Variants in DOCK3 observed in about 807,000 individuals in gnomAD.
The protein encoded by DOCK3 is dedicator of cytokinesis 3.
A neutral mutation model predicts 265.6 loss-of-function variants in DOCK3; 60 were observed. The observed-to-expected ratio is 0.23, with a 90% CI of 0.18 to 0.28. The LOEUF is 0.28. DOCK3 is among the 10% of genes least tolerant of loss of function. The pLI, the probability that DOCK3 is intolerant of heterozygous loss-of-function variation, is 1.00. For synonymous variants in DOCK3, 881 were observed against 938.0 expected (o/e 0.94, Z 1.11); for missense variants, 1,981 against 2,594.3 (o/e 0.76, Z 5.14).
chr3:51,283,668 G>T (rs1029575590), intron 27 of DOCK3, among the ~76,000 whole-genome samples: 16 of 152,104 alleles, frequency 1.1e-4, no homozygotes, highest in African/African-American at 3.6e-4. Context: ...TCCTCCCCCA[G>T]CTCACCCTAG....
At chr3:51,069,239 GTCA>G (rs1233257446) in intron 6 of DOCK3, among the ~76,000 whole-genome samples, 2 of 152,128 alleles carry the variant, frequency 1.3e-5, no homozygotes, top group Non-Finnish European at 2.9e-5. Context: ...AAATTAACTA[GTCA>G]TCATCTTTGC....
intron 1 of DOCK3, among the ~76,000 whole-genome samples, chr3:50,694,965 A>C (rs2035517503): frequency 6.6e-6 from 1 of 152,234 alleles, no homozygotes; most frequent in Non-Finnish European, 1.5e-5. Flanking sequence ...CCTTTGGGGC[A>C]GGCTAGTAAC....
At chr3:50,820,124 A>G (rs1050298350) in intron 2 of DOCK3, among the ~76,000 whole-genome samples, 1 of 152,242 alleles carries the variant, frequency 6.6e-6, no homozygotes, top group East Asian at 1.9e-4. Flanking sequence ...AGAAATAACC[A>G]TAAGTTTACT....
intron 4 of DOCK3, among the ~76,000 whole-genome samples, chr3:50,909,219 G>A (rs1438970922): frequency 1.3e-5 from 2 of 152,054 alleles, no homozygotes; most frequent in Non-Finnish European, 2.9e-5. Flanking sequence ...TAACATTTAA[G>A]TTTAATACTG....
chr3:51,316,100 G>C (rs754545232), intron 32 of DOCK3, among the ~76,000 whole-genome samples: 4 of 152,170 alleles, frequency 2.6e-5, no homozygotes, highest in Non-Finnish European at 2.9e-5. Context: ...CCACAATCAA[G>C]AGTTTTTGAA....
chr3:51,337,427 A>C (rs1313130868), intron 35 of DOCK3, among the ~76,000 whole-genome samples: 1 of 152,164 alleles, frequency 6.6e-6, no homozygotes, highest in Admixed American at 6.5e-5. Flanking sequence ...GAGCAAAGCC[A>C]AAGACACTCT....
At chr3:51,265,618 G>T (rs1300287597) in intron 23 of DOCK3, among the ~76,000 whole-genome samples, 3 of 152,166 alleles carry the variant, frequency 2.0e-5, no homozygotes. Flanking sequence ...TATCTCAATA[G>T]ATGCAGAAAA....
At chr3:50,923,386 C>T (rs1232765164) in intron 4 of DOCK3, among the ~76,000 whole-genome samples, 1 of 152,130 alleles carries the variant, frequency 6.6e-6, no homozygotes, top group Non-Finnish European at 1.5e-5. Context: ...TTTTGTCATG[C>T]AAGAATTGAA....
At chr3:50,930,353 C>T (rs567667902) in intron 4 of DOCK3, among the ~76,000 whole-genome samples, 25 of 152,344 alleles carry the variant, frequency 1.6e-4, no homozygotes, top group African/African-American at 5.1e-4. Flanking sequence ...TCCACAGCCC[C>T]CGCCTTGGGC....
intron 25 of DOCK3, chr3:51,276,599 C>A: frequency 4.5e-6 from 1 of 223,414 alleles, no homozygotes; most frequent in Non-Finnish European, 7.5e-6. Context: ...TGCTCAAATT[C>A]TTCATGTGGA....
chr3:50,889,820 TC>T (rs1271854430), intron 3 of DOCK3, among the ~76,000 whole-genome samples: 1 of 152,102 alleles, frequency 6.6e-6, no homozygotes, highest in African/African-American at 2.4e-5. Context: ...CACAGTTGTC[TC>T]CTGAGGATAG....
chr3:51,132,651 G>A (rs997299185), intron 9 of DOCK3, among the ~76,000 whole-genome samples: 3 of 152,202 alleles, frequency 2.0e-5, no homozygotes, highest in African/African-American at 4.8e-5. Context: ...TAGAGAAAGA[G>A]CTGGAATTGT....
At chr3:51,163,073 A>G (rs2086213021) in intron 12 of DOCK3, among the ~76,000 whole-genome samples, 1 of 152,218 alleles carries the variant, frequency 6.6e-6, no homozygotes, top group African/African-American at 2.4e-5. Flanking sequence ...CCTCAGGAGA[A>G]GCAATATTTT....
At chr3:51,315,964 G>C (rs2109668679) in intron 32 of DOCK3, among the ~76,000 whole-genome samples, 1 of 152,284 alleles carries the variant, frequency 6.6e-6, no homozygotes, top group African/African-American at 2.4e-5. Flanking sequence ...GTAACAGTGA[G>C]AAGTAGACCA....
chr3:50,863,286 G>A (rs576657662), intron 3 of DOCK3: 4 of 428,108 alleles, frequency 9.3e-6, no homozygotes, highest in Admixed American at 2.7e-5. Flanking sequence ...GACAAGTGCC[G>A]AACCTGTATG....
chr3:51,275,590 G>T (rs1050039477), intron 25 of DOCK3, among the ~76,000 whole-genome samples: 1 of 152,014 alleles, frequency 6.6e-6, no homozygotes, highest in South Asian at 2.1e-4. Flanking sequence ...GCTTATTCAG[G>T]CTCTTCTGTT....
At chr3:51,123,759 C>T (rs1339922895) in intron 9 of DOCK3, among the ~76,000 whole-genome samples, 1 of 152,170 alleles carries the variant, frequency 6.6e-6, no homozygotes, top group South Asian at 2.1e-4. Context: ...ATTCCGAGCT[C>T]CCAGGAGGGA....
chr3:51,212,080 A>G (rs1224397009), intron 13 of DOCK3, among the ~76,000 whole-genome samples: 1 of 152,226 alleles, frequency 6.6e-6, no homozygotes, highest in Non-Finnish European at 1.5e-5. Context: ...TTTCAGAACT[A>G]GGAAGGAAAC....
intron 9 of DOCK3, 46 bp downstream of exon 9, chr3:51,090,430 A>G (rs1440150715): frequency 1.3e-6 from 2 of 1,561,308 alleles, no homozygotes; most frequent in South Asian, 1.2e-5. Flanking sequence ...TTAGGATGGT[A>G]TGGGTCATAG....
Sources: allele counts gnomAD v4.1 joint callset (sites outside exome capture counted in the v4.1 genomes callset), GRCh38; gene constraint gnomAD v4.1.1; transcripts MANE v1.5; gene names NCBI Gene and HGNC (gene_info 2026-07-23, HGNC 2026-07-21).